SHROOM3: variants seen among roughly 807,000 people sequenced by gnomAD.
SHROOM3 encodes protein Shroom3.
A neutral mutation model predicts 138.6 loss-of-function variants in SHROOM3; 47 were observed. The observed-to-expected ratio is 0.34, with a 90% CI of 0.27 to 0.43. The LOEUF (loss-of-function observed/expected upper bound fraction) is 0.43. Among genes scored for constraint, SHROOM3 ranks in the 20% least tolerant of loss-of-function variants. The probability of loss-of-function intolerance (pLI) is 1.00; values close to 1 mark genes in which losing one functional copy is unlikely to be tolerated. For missense variants in SHROOM3, 2,491 were observed against 2,596.5 expected (o/e 0.96, Z 0.88); for synonymous variants, 1,062 against 1,063.3 (o/e 1.00, Z 0.02).
At chr4:76,466,307 A>G (rs1311797734) in intron 1 of SHROOM3, among the ~76,000 whole-genome samples, 1 of 152,234 alleles carries the variant, frequency 6.6e-6, no homozygotes, top group Non-Finnish European at 1.5e-5. Context: ...GCCTAATCAG[A>G]TAAACTGAAA....
intron 2 of SHROOM3, among the ~76,000 whole-genome samples, chr4:76,560,237 G>T (rs1048679748): frequency 6.6e-6 from 1 of 152,166 alleles, no homozygotes; most frequent in Non-Finnish European, 1.5e-5. Context: ...ACAAAGGAAA[G>T]GGTCTTCAGG....
Position 76,770,593 on chromosome 4 carries a change from G to A in SHROOM3, c.5350-33G>A. 1.9e-6 allele frequency: 3 copies of A among 1,611,764 alleles called. No individual in the cohort carries two copies. The South Asian group carries it at 3.3e-5, about 18-fold the overall frequency. On this transcript the variant is annotated intron_variant, in intron 9 of 10. Coordinates refer to ENST00000296043, the MANE Select transcript of SHROOM3 (RefSeq NM_020859.4). ...TCTGCTTCCACTGGCACCTCCTGTT[G>A]GCTGATCTTTGCGGTCTTATCTGTC...
At chr4:76,669,475 T>C (rs537288462) in intron 2 of SHROOM3, among the ~76,000 whole-genome samples, 7 of 151,880 alleles carry the variant, frequency 4.6e-5, no homozygotes, top group Non-Finnish European at 1.0e-4. Context: ...TCAAAAAGAA[T>C]TAGCTGGGTG....
chr4:76,741,881 C>G lies in SHROOM3; in HGVS notation c.3708C>G (p.Val1236=), dbSNP rs750767883. Residue 1236 remains valine (V), a synonymous_variant, in exon 5 of 11, where the codon GTC becomes GTG. Coordinates refer to ENST00000296043, the MANE Select transcript of SHROOM3 (RefSeq NM_020859.4). The surrounding 1 kb of genome is among the most constrained non-coding windows in gnomAD (Gnocchi z 6.2). ...LERSDVLAGP[V]HVRSRSSPAT... ...GCTCGGACGTCCTTGCGGGCCCTGTCCATGTGAGGTCCAGGTCATCTCCCG... is the reference window on the plus strand; with the variant it reads ...GCTCGGACGTCCTTGCGGGCCCTGTGCATGTGAGGTCCAGGTCATCTCCCG... 42 of 1,612,144 alleles carry G rather than the reference C, an allele frequency of 2.6e-5. No homozygotes were observed. The highest frequency in any genetic ancestry group is 3.4e-5 in the Non-Finnish European group (40 of 1,179,936).
intron 2 of SHROOM3, among the ~76,000 whole-genome samples, chr4:76,659,799 C>G (rs1166944545): frequency 3.3e-5 from 5 of 152,162 alleles, no homozygotes; most frequent in Admixed American, 1.3e-4. Context: ...CCAAGCTGGT[C>G]TTGAACTCCT....
intron 3 of SHROOM3, among the ~76,000 whole-genome samples, chr4:76,723,874 TGATGCTC>T (rs1366865992): frequency 6.6e-6 from 1 of 152,262 alleles, no homozygotes; most frequent in East Asian, 1.9e-4. Context: ...AGTGAATGAA[TGATGCTC>T]TGACTTTGTT....
chr4:76,541,026 CTT>C (rs1733086529), intron 1 of SHROOM3, among the ~76,000 whole-genome samples: 1 of 152,110 alleles, frequency 6.6e-6, no homozygotes, highest in African/African-American at 2.4e-5. Context: ...AATTTGTTGA[CTT>C]ATTTATTTTC....
intron 5 of SHROOM3, among the ~76,000 whole-genome samples, chr4:76,743,237 G>T (rs569560887): frequency 2.6e-4 from 39 of 152,342 alleles, no homozygotes; most frequent in African/African-American, 9.1e-4. Flanking sequence ...GAAAGATTCA[G>T]CAGTTCTGGC....
intron 2 of SHROOM3, among the ~76,000 whole-genome samples, chr4:76,606,897 A>G (rs1012888867): frequency 7.9e-5 from 12 of 152,270 alleles, no homozygotes; most frequent in African/African-American, 2.9e-4. Context: ...TTGGTATGCT[A>G]AACTCTACTC....
chr4:76,539,613 C>A (rs775476475), intron 1 of SHROOM3, among the ~76,000 whole-genome samples: 2 of 152,032 alleles, frequency 1.3e-5, no homozygotes, highest in Admixed American at 6.6e-5. Flanking sequence ...TAACTTAATC[C>A]TCGCAGCAAT....
chr4:76,756,350 C>T (rs1375740332), intron 7 of SHROOM3, 99 bp from the exon 8 acceptor site: 2 of 1,402,094 alleles, frequency 1.4e-6, no homozygotes, highest in African/African-American at 1.4e-5. Context: ...TGGAAAGCTT[C>T]TCCCTCAGTC....
chr4:76,714,576 T>G (rs1465059423), intron 3 of SHROOM3, among the ~76,000 whole-genome samples: 1 of 152,216 alleles, frequency 6.6e-6, no homozygotes, highest in Non-Finnish European at 1.5e-5. Flanking sequence ...TTAAAGTTAC[T>G]ATTTGTCCCT....
intron 1 of SHROOM3, among the ~76,000 whole-genome samples, chr4:76,467,379 AG>A (rs1186899383): frequency 6.6e-6 from 1 of 152,098 alleles, no homozygotes; most frequent in Admixed American, 6.6e-5. Context: ...GAGTAAACTG[AG>A]GCTTAGATAA....
chr4:76,733,903 T>C (rs1720954520), intron 4 of SHROOM3, among the ~76,000 whole-genome samples: 1 of 152,170 alleles, frequency 6.6e-6, no homozygotes, highest in Non-Finnish European at 1.5e-5. Context: ...ATTTGGAATT[T>C]CACTGAAATT....
At chr4:76,628,578 G>A (rs1254155249) in intron 2 of SHROOM3, among the ~76,000 whole-genome samples, 1 of 152,104 alleles carries the variant, frequency 6.6e-6, no homozygotes, top group Non-Finnish European at 1.5e-5. Context: ...AATACTTATT[G>A]TGTCTTTGTG....
intron 1 of SHROOM3, among the ~76,000 whole-genome samples, chr4:76,454,326 G>T (rs895112341): frequency 6.6e-6 from 1 of 152,310 alleles, no homozygotes; most frequent in African/African-American, 2.4e-5. Context: ...TTACAGGTGT[G>T]AGCCACTGCA....
intron 10 of SHROOM3, among the ~76,000 whole-genome samples, chr4:76,771,357 G>A: frequency 6.7e-6 from 1 of 149,552 alleles, no homozygotes; most frequent in Middle Eastern, 3.2e-3. Flanking sequence ...CAGACTGGGC[G>A]ACCACATCAA....
At chr4:76,540,456 C>T (rs1029827999) in intron 1 of SHROOM3, among the ~76,000 whole-genome samples, 4 of 152,096 alleles carry the variant, frequency 2.6e-5, no homozygotes, top group African/African-American at 4.8e-5. Context: ...AGTCTAAACA[C>T]GTAGGGGAAG....
At chr4:76,500,225 G>A (rs917092389) in intron 1 of SHROOM3, among the ~76,000 whole-genome samples, 1 of 152,148 alleles carries the variant, frequency 6.6e-6, no homozygotes, top group Admixed American at 6.5e-5. Flanking sequence ...TGTGGGCTCT[G>A]TCAGCATGCT....
Sources: gnomAD v4.1 joint callset for allele counts (sites outside exome capture counted in the v4.1 genomes callset) on GRCh38, gnomAD v4.1.1 for gene constraint, Gnocchi (gnomAD v3.1) non-coding constraint, MANE v1.5 for transcripts, NCBI Gene and HGNC (gene_info 2026-07-23, HGNC 2026-07-21) for gene names.